ZCWPW2: variants seen among roughly 807,000 people sequenced by gnomAD.
The protein encoded by ZCWPW2 is zinc finger CW-type PWWP domain protein 2.
Under a neutral mutation model 46.6 loss-of-function variants are expected in ZCWPW2, and 45 were observed. The observed-to-expected ratio is 0.96, with a 90% CI of 0.76 to 1.24. The LOEUF is 1.24. Ranked by LOEUF, ZCWPW2 falls within the 50% of genes most tolerant of loss-of-function variation. The probability of loss-of-function intolerance (pLI) is 0.00; values close to 1 mark genes in which losing one functional copy is unlikely to be tolerated. For synonymous variants in ZCWPW2, 152 were observed against 137.1 expected, an observed-to-expected ratio of 1.11 and a Z score of -0.76; for missense variants, 429 against 403.9, an observed-to-expected ratio of 1.06 and a Z score of -0.53.
chr3:28,453,771 A>C (rs1337206270), intron 4 of ZCWPW2, among the ~76,000 whole-genome samples: 1 of 151,202 alleles, frequency 6.6e-6, no homozygotes, highest in African/African-American at 2.4e-5. Flanking sequence ...TCAAAATCGT[A>C]TAATTGTGAA....
At chr3:28,398,700 A>G (rs896065358) in intron 2 of ZCWPW2, among the ~76,000 whole-genome samples, 3 of 152,170 alleles carry the variant, frequency 2.0e-5, no homozygotes, top group Non-Finnish European at 2.9e-5. Flanking sequence ...AGATTACGGG[A>G]GGAGATGCCG....
At chr3:28,374,413 T>C (rs1705436864) in intron 1 of ZCWPW2, among the ~76,000 whole-genome samples, 1 of 152,204 alleles carries the variant, frequency 6.6e-6, no homozygotes, top group Admixed American at 6.5e-5. Context: ...ACTCAGGTAA[T>C]GTGACGCTGC....
At chr3:28,351,164 A>G (rs1001849294) in intron 1 of ZCWPW2, among the ~76,000 whole-genome samples, 1 of 150,970 alleles carries the variant, frequency 6.6e-6, no homozygotes, top group Non-Finnish European at 1.5e-5. Context: ...ATTTTTTAGA[A>G]TGGCTGTTTT....
intron 4 of ZCWPW2, among the ~76,000 whole-genome samples, chr3:28,444,238 C>A (rs1697892179): frequency 6.6e-6 from 1 of 152,134 alleles, no homozygotes; most frequent in Non-Finnish European, 1.5e-5. Context: ...TAGCACGCCT[C>A]CTCATGGTCA....
chr3:28,510,035 T>A (rs1575223403), intron 6 of ZCWPW2, among the ~76,000 whole-genome samples: 1 of 152,214 alleles, frequency 6.6e-6, no homozygotes, highest in Non-Finnish European at 1.5e-5. Flanking sequence ...GGATATCCAG[T>A]TGTCTGAGTA....
intron 3 of ZCWPW2, among the ~76,000 whole-genome samples, chr3:28,422,862 C>A (rs1312787964): frequency 1.3e-5 from 2 of 152,062 alleles, no homozygotes; most frequent in African/African-American, 4.8e-5. Context: ...GCTTCACCTC[C>A]CTGCCAGCAT....
rs746633040 is a variant in ZCWPW2, at chr3:28,356,613, A to T, written c.-134+7410A>T. Reference sequence around the variant, plus strand: ...AGACTTGGAACTAACCCAAATGTCCATCAGTGATAAACTGGATGAAGAAAA... The same window carrying T: ...AGACTTGGAACTAACCCAAATGTCCTTCAGTGATAAACTGGATGAAGAAAA... On this transcript the variant is annotated intron_variant, in intron 1 of 9. Coordinates refer to ENST00000383768, the MANE Select transcript of ZCWPW2 (RefSeq NM_001040432.4). Among the ~76,000 whole-genome samples the T allele has an allele frequency of 3.9e-5, 6 of 152,234 alleles. No homozygotes were observed. In the South Asian group the frequency reaches 1.2e-3, roughly 31 times the overall value.
rs199934520 is a variant in ZCWPW2 at position 28,373,460 on chromosome 3, TTTG to T, written c.-133-17035_-133-17033del. On this transcript the variant is annotated intron_variant, in intron 1 of 9. Transcript: ENST00000383768. The stretch of plus-strand genomic sequence containing the variant: ...ATTGGCCATTTGTATGTTGTTTTTT[TTTG>T]TTTGTTTGTTTGTTTGTTTTTTGAG... Among the ~76,000 whole-genome samples the T allele has an allele frequency of 3.5e-3, 521 of 150,126 alleles. 1 individual carries two copies. Among genetic ancestry groups the T allele is most frequent in the African/African-American group, 0.012 (473 of 40,026 alleles).
chr3:28,485,501 A>G (rs527278176), intron 5 of ZCWPW2, among the ~76,000 whole-genome samples: 4 of 152,304 alleles, frequency 2.6e-5, no homozygotes, highest in Admixed American at 2.0e-4. Context: ...GCCTCTAGCT[A>G]TAATAGTAGA....
chr3:28,417,155 C>G (rs1171387267), intron 3 of ZCWPW2, among the ~76,000 whole-genome samples: 2 of 148,144 alleles, frequency 1.4e-5, no homozygotes, highest in African/African-American at 2.5e-5. Context: ...GCTAGCAAGA[C>G]AAATAAAGAA....
chr3:28,393,801 G>C (rs1296854444), intron 2 of ZCWPW2, among the ~76,000 whole-genome samples: 2 of 152,010 alleles, frequency 1.3e-5, no homozygotes, highest in African/African-American at 4.8e-5. Context: ...CATCACAAAG[G>C]CTGTGTATCA....
rs1700807877 is a variant in ZCWPW2, at chr3:28,524,666, A to T, written c.1049A>T (p.Asp350Val). The change falls in exon 10 of 10, where the codon GAT becomes GTT. Residue 350 changes from aspartate to valine, a missense_variant. By Grantham distance (152) the Asp-to-Val change is radical. Transcript: ENST00000383768. ...EDITNKFKEI[D>V]ALMSEF ...ATAACTAATAAATTTAAAGAAATAG[A>T]TGCTTTGATGTCTGAGTTTTAGAAC... The T allele has an allele frequency of 1.0e-5, 16 of 1,555,282 alleles. No homozygotes were observed. The highest frequency in any genetic ancestry group is 1.4e-5 in the African/African-American group (1 of 72,366).
intron 3 of ZCWPW2, among the ~76,000 whole-genome samples, chr3:28,428,737 C>T (rs1320429133): frequency 6.6e-6 from 1 of 152,150 alleles, no homozygotes; most frequent in Non-Finnish European, 1.5e-5. Flanking sequence ...CCATGCTGTT[C>T]TCATGATACT....
chr3:28,401,171 C>A (rs1328094063), intron 2 of ZCWPW2, among the ~76,000 whole-genome samples: 1 of 151,154 alleles, frequency 6.6e-6, no homozygotes, highest in Non-Finnish European at 1.5e-5. Flanking sequence ...GAGCAAGACT[C>A]CATCTCAAAA....
intron 1 of ZCWPW2, among the ~76,000 whole-genome samples, chr3:28,358,837 C>A (rs556166616): frequency 6.9e-5 from 10 of 144,618 alleles, no homozygotes; most frequent in African/African-American, 2.8e-4. Context: ...TCTCATTTTA[C>A]CCCCCCCAAC....
chr3:28,406,728 A>C (rs1371845294), intron 2 of ZCWPW2, among the ~76,000 whole-genome samples: 1 of 151,610 alleles, frequency 6.6e-6, no homozygotes, highest in African/African-American at 2.4e-5. Flanking sequence ...GCCTGCTATG[A>C]CCTTTGCTTC....
chr3:28,374,465 T>C lies in ZCWPW2; in HGVS notation c.-133-16033T>C, dbSNP rs145538556. On this transcript the variant is annotated intron_variant, in intron 1 of 9. Coordinates refer to ENST00000383768, the MANE Select transcript of ZCWPW2 (RefSeq NM_001040432.4). Reference sequence around the variant, plus strand: ...GCTCAGGATTGCTTCAGGCTCTATTTTGGTTCCATATAAATGTTAGGTTTA... The same window carrying C: ...GCTCAGGATTGCTTCAGGCTCTATTCTGGTTCCATATAAATGTTAGGTTTA... Among the ~76,000 whole-genome samples the C allele has an allele frequency of 2.5e-3, 387 of 152,284 alleles. 1 individual carries two copies. The highest frequency in any genetic ancestry group is 8.4e-3 in the African/African-American group (351 of 41,584).
At chr3:28,456,029 T>C (rs1217143555) in intron 4 of ZCWPW2, among the ~76,000 whole-genome samples, 1 of 152,196 alleles carries the variant, frequency 6.6e-6, no homozygotes, top group Non-Finnish European at 1.5e-5. Context: ...AGAATGTCAA[T>C]GGTAGTCTAA....
chr3:28,493,001 T>C (rs2125817711), intron 6 of ZCWPW2, among the ~76,000 whole-genome samples: 2 of 151,522 alleles, frequency 1.3e-5, no homozygotes, highest in East Asian at 3.9e-4. Context: ...AGCATCATGT[T>C]TGTATTCTTT....
Sources: gnomAD v4.1 joint callset for allele counts (sites outside exome capture counted in the v4.1 genomes callset) on GRCh38, gnomAD v4.1.1 for gene constraint, MANE v1.5 for transcripts, NCBI Gene and HGNC (gene_info 2026-07-23, HGNC 2026-07-21) for gene names.